The following TMEM163 variants were observed in gnomAD, a reference collection of about 807,000 sequenced individuals.
TMEM163 encodes the protein transmembrane protein 163.
TMEM163 carries 17 observed loss-of-function variants against 29.3 expected under a neutral mutation model. The ratio of observed to expected loss-of-function variants is 0.58; its 90% confidence interval spans 0.40 to 0.87. The LOEUF (loss-of-function observed/expected upper bound fraction) is 0.87. Ranked by LOEUF, TMEM163 falls within the 40% of genes least tolerant of loss-of-function variation. The pLI, the probability that TMEM163 is intolerant of heterozygous loss-of-function variation, is 0.00. For synonymous variants in TMEM163, 157 were observed against 160.6 expected, an observed-to-expected ratio of 0.98 and a Z score of 0.17; for missense variants, 303 against 381.5, an observed-to-expected ratio of 0.79 and a Z score of 1.71.
intron 5 of TMEM163, among the ~76,000 whole-genome samples, chr2:134,489,281 G>A (rs977294384): frequency 1.3e-5 from 2 of 152,078 alleles, no homozygotes; most frequent in Non-Finnish European, 2.9e-5. Context: ...GAGTAAAAAA[G>A]TTGCAGTGTG....
intron 5 of TMEM163, among the ~76,000 whole-genome samples, chr2:134,473,449 C>T (rs1441099425): frequency 6.6e-6 from 1 of 151,136 alleles, no homozygotes; most frequent in Non-Finnish European, 1.5e-5. Flanking sequence ...GCAGGAGAAT[C>T]ACTTGAACCA....
chr2:134,544,530 G>A (rs980878485), intron 4 of TMEM163, among the ~76,000 whole-genome samples: 2 of 152,072 alleles, frequency 1.3e-5, no homozygotes, highest in African/African-American at 2.4e-5. Context: ...GTGGTGGCTC[G>A]TGCCTGTAAT....
chr2:134,668,342 G>C (rs1683913961), intron 2 of TMEM163, among the ~76,000 whole-genome samples: 1 of 152,060 alleles, frequency 6.6e-6, no homozygotes, highest in Non-Finnish European at 1.5e-5. Flanking sequence ...GGCTGGAAGG[G>C]GAAGGACGGC....
At chr2:134,548,414 C>G (rs924773843) in intron 4 of TMEM163, among the ~76,000 whole-genome samples, 8 of 152,188 alleles carry the variant, frequency 5.3e-5, no homozygotes, top group Non-Finnish European at 1.2e-4. Flanking sequence ...GCATTAGTGG[C>G]AACCATATTG....
intron 4 of TMEM163, among the ~76,000 whole-genome samples, chr2:134,546,791 C>A (rs2106505848): frequency 6.6e-6 from 1 of 151,428 alleles, no homozygotes; most frequent in East Asian, 1.9e-4. Flanking sequence ...CCAGCCTGGG[C>A]AACAGAGCAA....
chr2:134,517,212 T>C (rs555097305), intron 4 of TMEM163, among the ~76,000 whole-genome samples: 13 of 152,318 alleles, frequency 8.5e-5, no homozygotes, highest in Non-Finnish European at 1.2e-4. Flanking sequence ...ATGAATTCCC[T>C]GAGGCAAACA....
At chr2:134,706,635 A>C (rs1388513717) in intron 2 of TMEM163, among the ~76,000 whole-genome samples, 1 of 152,200 alleles carries the variant, frequency 6.6e-6, no homozygotes, top group African/African-American at 2.4e-5. Context: ...TAGAAAAAGA[A>C]GCATGGAGGT....
chr2:134,533,374 C>A (rs181692768), intron 4 of TMEM163, among the ~76,000 whole-genome samples: 2 of 151,926 alleles, frequency 1.3e-5, no homozygotes, highest in South Asian at 4.1e-4. Flanking sequence ...CACGTGCACA[C>A]GTGTAAAGCA....
chr2:134,713,874 G>A (rs558993163), intron 1 of TMEM163, among the ~76,000 whole-genome samples: 1 of 152,232 alleles, frequency 6.6e-6, no homozygotes, highest in South Asian at 2.1e-4. Context: ...ACCACATCCA[G>A]CAAGAGCCTC....
Position 134,502,924 on chromosome 2 carries a change from A to G in TMEM163, c.532T>C (p.Ser178Pro), listed in dbSNP as rs1002236607. 1 of 1,614,100 alleles carries G rather than the reference A, an allele frequency of 6.2e-7. No homozygotes were observed. The highest frequency in any genetic ancestry group is 1.3e-5 in the African/African-American group (1 of 75,044). ...ACCACTTCTGGGAGCAGCCTAGTTG[A>G]GAGGTCATGGATGGCTTTGACCACT... ...CIVVKAIHDL[S>P]TRLLPEVDDF... The change falls in exon 5 of 8, where the codon TCA becomes CCA. Residue 178 changes from serine (S) to proline (P), a missense_variant. By Grantham distance (74) the Ser-to-Pro change is moderately conservative. Coordinates refer to ENST00000281924, the MANE Select transcript of TMEM163 (RefSeq NM_030923.5).
At chr2:134,571,293 T>C (rs1422276571) in intron 2 of TMEM163, among the ~76,000 whole-genome samples, 2 of 152,190 alleles carry the variant, frequency 1.3e-5, no homozygotes, top group Non-Finnish European at 2.9e-5. Context: ...ATTGACCCTT[T>C]CTTGCTTGTG....
intron 5 of TMEM163, chr2:134,469,386 G>T (rs472299): frequency 0.21 from 31,244 of 151,946 alleles, 3,981 homozygotes; most frequent in South Asian, 0.44. Context: ...TTACTAGCTA[G>T]GTGACTCTGG....
chr2:134,573,112 T>C (rs1428999669), intron 2 of TMEM163, among the ~76,000 whole-genome samples: 1 of 152,202 alleles, frequency 6.6e-6, no homozygotes, highest in African/African-American at 2.4e-5. Context: ...AAGGGGCTTA[T>C]TTACATGGCC....
chr2:134,718,463 C>G (rs1472346931), intron 1 of TMEM163, among the ~76,000 whole-genome samples: 1 of 152,238 alleles, frequency 6.6e-6, no homozygotes, highest in Non-Finnish European at 1.5e-5. Flanking sequence ...GGGCCTGGAG[C>G]TGGCGGAGAG....
intron 2 of TMEM163, among the ~76,000 whole-genome samples, chr2:134,573,709 A>G (rs1681485568): frequency 6.6e-6 from 1 of 152,278 alleles, no homozygotes; most frequent in African/African-American, 2.4e-5. Flanking sequence ...ATGAGAAAAC[A>G]GAACTAAAAA....
chr2:134,476,667 T>C (rs1286409174), intron 5 of TMEM163, among the ~76,000 whole-genome samples: 1 of 152,156 alleles, frequency 6.6e-6, no homozygotes, highest in East Asian at 1.9e-4. Flanking sequence ...GTTGTAAAGA[T>C]TAAATCAGAG....
intron 4 of TMEM163, among the ~76,000 whole-genome samples, chr2:134,534,448 G>T (rs1443272770): frequency 2.0e-5 from 3 of 152,068 alleles, no homozygotes; most frequent in African/African-American, 7.2e-5. Flanking sequence ...AGTTCCTCAA[G>T]ATTGATTTAT....
chr2:134,686,379 G>A (rs1332583142), intron 2 of TMEM163, among the ~76,000 whole-genome samples: 2 of 152,188 alleles, frequency 1.3e-5, no homozygotes, highest in African/African-American at 2.4e-5. Context: ...AAAGCAATCC[G>A]TACATATTAA....
At position 134,550,798 on chromosome 2, in the gene TMEM163, C is replaced by T. The variant is rs530428925; in HGVS notation, c.367-137G>A. On this transcript the variant is annotated intron_variant, in intron 3 of 7. Transcript: ENST00000281924. ...GCAAAGAGGTCTCCCATCATTACGA[C>T]GCAGCCACTTACTGCCCTCATGCCT... The T allele has an allele frequency of 1.0e-3, 814 of 801,062 alleles. 3 individuals are homozygous for T. The highest frequency in any genetic ancestry group is 4.1e-4 in the Non-Finnish European group (198 of 487,958). The allele number at this position is 801,062 out of a possible 1,614,324, so 49.6% of individuals were successfully genotyped here. A position where few individuals can be genotyped will look rare whatever the true frequency, so the allele number is the denominator to read the frequency against.
Sources: allele counts gnomAD v4.1 joint callset (sites outside exome capture counted in the v4.1 genomes callset), GRCh38; gene constraint gnomAD v4.1.1; transcripts MANE v1.5; gene names NCBI Gene and HGNC (gene_info 2026-07-23, HGNC 2026-07-21).